Variants in HCFC2 observed in about 807,000 individuals in gnomAD.
HCFC2 encodes host cell factor C2.
In HCFC2, 18 loss-of-function variants were observed where a neutral mutation model predicts 89.2. That is an observed-to-expected ratio of 0.20 (90% CI 0.14 to 0.30). The LOEUF is 0.30. Among genes scored for constraint, HCFC2 ranks in the 10% least tolerant of loss-of-function variants. HCFC2 has a pLI of 1.00. For missense variants in HCFC2, 578 were observed against 956.1 expected (o/e 0.60, Z 5.21); for synonymous variants, 308 against 335.7 (o/e 0.92, Z 0.90).
At chr12:104,079,046 C>G (rs1186234953) in intron 3 of HCFC2, among the ~76,000 whole-genome samples, 1 of 152,114 alleles carries the variant, frequency 6.6e-6, no homozygotes, top group Non-Finnish European at 1.5e-5. Flanking sequence ...GTGCTTTCAC[C>G]ATACCCTATT....
intron 5 of HCFC2, among the ~76,000 whole-genome samples, chr12:104,081,387 T>A (rs574546850): frequency 1.3e-5 from 2 of 152,338 alleles, no homozygotes; most frequent in Admixed American, 1.3e-4. Flanking sequence ...AATGGATTAA[T>A]ACATATGAAA....
Position 104,068,738 on chromosome 12 carries a change from G to C in HCFC2, c.473+631G>C, listed in dbSNP as rs902922805. 1.3e-5 allele frequency among the ~76,000 whole-genome samples: 2 copies of C among 152,112 alleles called. No homozygotes were observed. Among genetic ancestry groups the C allele is most frequent in the Non-Finnish European group, 2.9e-5 (2 of 68,016 alleles). On this transcript the variant is annotated intron_variant, in intron 3 of 14. Transcript: ENST00000229330. The surrounding 1 kb of genome is among the most constrained non-coding windows in gnomAD (Gnocchi z 4.1). Reference sequence around the variant, plus strand: ...AGGTTTGGTCCACAGGGTGTAGTTTGCTGGCACAGATTGTAAATAATGGGG... The same window carrying C: ...AGGTTTGGTCCACAGGGTGTAGTTTCCTGGCACAGATTGTAAATAATGGGG...
At chr12:104,074,780 C>A (rs942398380) in intron 3 of HCFC2, among the ~76,000 whole-genome samples, 2 of 152,068 alleles carry the variant, frequency 1.3e-5, no homozygotes, top group African/African-American at 4.8e-5. Flanking sequence ...CTATTGTAAT[C>A]TGATTTGAGT....
rs1884151755 is a variant in HCFC2, at chr12:104,095,515, G to A, written c.1618G>A (p.Val540Ile). The A allele has an allele frequency of 1.2e-6, 2 of 1,613,506 alleles. No individual in the cohort carries two copies. The highest frequency in any genetic ancestry group is 1.7e-5 in the Admixed American group (1 of 59,970). The change falls in exon 11 of 15, where the codon GTT becomes ATT. Residue 540 changes from valine (V) to isoleucine (I), a missense_variant. Physicochemically the swap from Val to Ile is conservative, Grantham distance 29. Coordinates refer to ENST00000229330, the MANE Select transcript of HCFC2 (RefSeq NM_013320.3). This position sits in a 1 kb window ranked among gnomAD's most constrained non-coding sequence, Gnocchi z 4.2. Reference protein sequence around the residue: ...KTESSSTNGAVVKDETSLTTF... With the variant: ...KTESSSTNGAIVKDETSLTTF... The stretch of plus-strand genomic sequence containing the variant: ...TGAATCATCCAGTACAAATGGGGCA[G>A]TTGTTAAAGATGAAACTTCACTAAC...
chr12:104,082,141 C>T (rs1432354673), intron 5 of HCFC2, among the ~76,000 whole-genome samples: 1 of 152,166 alleles, frequency 6.6e-6, no homozygotes, highest in Non-Finnish European at 1.5e-5. Context: ...TATATGCATA[C>T]AATTTTAAAT....
rs1170087370 is a variant in HCFC2 at position 104,068,481 on chromosome 12, T to C, written c.473+374T>C. Among the ~76,000 whole-genome samples the C allele has an allele frequency of 1.3e-5, 2 of 152,198 alleles. No individual in the cohort carries two copies. The highest frequency in any genetic ancestry group is 4.8e-5 in the African/African-American group (2 of 41,468). ...ACAGATGGTTATTTTAAAATTAGATTTCTCTGGGAATTTGGCGACAAAACT... is the reference window on the plus strand; with the variant it reads ...ACAGATGGTTATTTTAAAATTAGATCTCTCTGGGAATTTGGCGACAAAACT... On this transcript the variant is annotated intron_variant, in intron 3 of 14. Transcript: ENST00000229330. The surrounding 1 kb of genome is among the most constrained non-coding windows in gnomAD (Gnocchi z 4.1).
At chr12:104,079,888 C>G (rs552419206) in intron 4 of HCFC2, among the ~76,000 whole-genome samples, 2 of 152,252 alleles carry the variant, frequency 1.3e-5, no homozygotes, top group South Asian at 4.1e-4. Context: ...ACCTTATGTC[C>G]TGGTTTACCT....
At chr12:104,098,810 C>T (rs1038992578) in intron 13 of HCFC2, among the ~76,000 whole-genome samples, 1 of 152,136 alleles carries the variant, frequency 6.6e-6, no homozygotes, top group African/African-American at 2.4e-5. Context: ...ACCATCCTGG[C>T]TAACACGGTG....
At chr12:104,087,483 A>G (rs1037930286) in intron 8 of HCFC2, among the ~76,000 whole-genome samples, 15 of 137,424 alleles carry the variant, frequency 1.1e-4, no homozygotes, top group East Asian at 2.2e-4. Flanking sequence ...ATATATATAT[A>G]TGTATATATA....
intron 9 of HCFC2, among the ~76,000 whole-genome samples, chr12:104,090,073 A>C (rs1262548736): frequency 6.6e-6 from 1 of 151,926 alleles, no homozygotes; most frequent in Non-Finnish European, 1.5e-5. Flanking sequence ...ATATTTCTTG[A>C]CCTTATTTCT....
At position 104,068,257 on chromosome 12, in the gene HCFC2, C is replaced by T. The variant is rs1264578011; in HGVS notation, c.473+150C>T. On this transcript the variant is annotated intron_variant, in intron 3 of 14. Coordinates refer to ENST00000229330, the MANE Select transcript of HCFC2 (RefSeq NM_013320.3). The surrounding 1 kb of genome is among the most constrained non-coding windows in gnomAD (Gnocchi z 4.1). ...CAGATTTGTGTGTGTTTGTGTTTTC[C>T]TTAGTACCTGGAGCATACTTGTTTT... 4 of 608,184 alleles carry T rather than the reference C, an allele frequency of 6.6e-6. No individual in the cohort carries two copies. In the African/African-American group the frequency reaches 7.7e-5, roughly 12 times the overall value. The allele number at this position is 608,184 out of a possible 1,614,324, so 37.7% of individuals were successfully genotyped here.
intron 9 of HCFC2, among the ~76,000 whole-genome samples, 194 bp downstream of exon 9, chr12:104,088,232 T>A (rs3763999): frequency 0.14 from 21,662 of 152,104 alleles, 1,601 homozygotes; most frequent in Middle Eastern, 0.21. Flanking sequence ...AGCAGAATCT[T>A]TAGGAAAATG....
intron 7 of HCFC2, among the ~76,000 whole-genome samples, chr12:104,084,641 A>T (rs1883782577): frequency 6.6e-6 from 1 of 152,178 alleles, no homozygotes; most frequent in Admixed American, 6.5e-5. Flanking sequence ...TGAAGGAGAG[A>T]TGTGACACAT....
intron 12 of HCFC2, chr12:104,097,633 C>T: frequency 1.0e-6 from 1 of 977,292 alleles, no homozygotes; most frequent in Non-Finnish European, 1.2e-6. Flanking sequence ...AACTGAAGTG[C>T]ACATTTGTTT....
intron 7 of HCFC2, among the ~76,000 whole-genome samples, chr12:104,083,358 C>T (rs1211598420): frequency 1.3e-5 from 2 of 152,066 alleles, no homozygotes; most frequent in Admixed American, 1.3e-4. Context: ...AACTGAGGGA[C>T]ATTCTAGATC....
intron 7 of HCFC2, 89 bp downstream of exon 7, chr12:104,082,990 C>T: frequency 4.7e-6 from 4 of 859,308 alleles, no homozygotes; most frequent in South Asian, 3.4e-5. Flanking sequence ...ATGCTACTAC[C>T]TCTTGTTTCC....
intron 13 of HCFC2, among the ~76,000 whole-genome samples, chr12:104,101,439 T>C (rs1239381117): frequency 6.6e-6 from 1 of 150,922 alleles, no homozygotes; most frequent in East Asian, 1.9e-4. Context: ...GAGCCGATTG[T>C]GCCACTGCAC....
rs949501078 is a variant in HCFC2, at chr12:104,068,174, A to G, written c.473+67A>G. 10 of 1,363,474 alleles carry G rather than the reference A, an allele frequency of 7.3e-6. No homozygotes were observed. The highest frequency in any genetic ancestry group is 3.8e-4 in the Middle Eastern group (2 of 5,296). 84.5% of individuals were successfully genotyped at this position (1,363,474 alleles called of 1,614,324 possible). ...AGAGTAGGAACATTTTATTTTTTCC[A>G]TCTTTAATTTTTAAAAGGGATGATG... On this transcript the variant is annotated intron_variant, in intron 3 of 14. Transcript: ENST00000229330. The surrounding 1 kb of genome is among the most constrained non-coding windows in gnomAD (Gnocchi z 4.1).
intron 1 of HCFC2, 104 bp from the exon 2 acceptor site, chr12:104,066,062 AT>A (rs1249882114): frequency 8.9e-7 from 1 of 1,126,620 alleles, no homozygotes; most frequent in Non-Finnish European, 1.3e-6. Context: ...GGGGGGCAGA[AT>A]CATCCCCAGT....
Sources: allele counts gnomAD v4.1 joint callset (sites outside exome capture counted in the v4.1 genomes callset), GRCh38; gene constraint gnomAD v4.1.1; non-coding constraint Gnocchi (gnomAD v3.1); transcripts MANE v1.5; gene names NCBI Gene and HGNC (gene_info 2026-07-23, HGNC 2026-07-21).